TLN2: variants seen among roughly 807,000 people sequenced by gnomAD.
TLN2 encodes the protein talin-2.
Under a neutral mutation model 294.7 loss-of-function variants are expected in TLN2, and 118 were observed. The ratio of observed to expected loss-of-function variants is 0.40; its 90% CI spans 0.34 to 0.47. The LOEUF is 0.47. Among genes scored for constraint, TLN2 ranks in the 20% least tolerant of loss-of-function variants. TLN2 has a pLI of 0.84. For missense variants in TLN2, 3,083 were observed against 3,282.2 expected (o/e 0.94, Z 1.48); for synonymous variants, 1,431 against 1,304.5 (o/e 1.10, Z -2.09).
intron 3 of TLN2, among the ~76,000 whole-genome samples, chr15:62,642,070 C>T (rs540714213): frequency 8.5e-5 from 13 of 152,286 alleles, no homozygotes; most frequent in African/African-American, 2.6e-4. Context: ...TCGTCAGCTC[C>T]GCTTCCACAA....
chr15:62,612,327 G>A (rs941172343), intron 2 of TLN2, among the ~76,000 whole-genome samples: 1 of 152,112 alleles, frequency 6.6e-6, no homozygotes, highest in Non-Finnish European at 1.5e-5. Flanking sequence ...ACCATGGTCA[G>A]TGTCACAGTC....
chr15:62,668,578 G>T (rs1325436892), intron 9 of TLN2, among the ~76,000 whole-genome samples: 1 of 152,180 alleles, frequency 6.6e-6, no homozygotes. Context: ...GTGGGATGTT[G>T]TTTGCCTACA....
intron 11 of TLN2, among the ~76,000 whole-genome samples, chr15:62,675,737 A>G (rs2056109153): frequency 6.6e-6 from 1 of 152,338 alleles, no homozygotes; most frequent in Non-Finnish European, 1.5e-5. Flanking sequence ...ATACTTTAAG[A>G]CAGGGCTTGG....
At chr15:62,760,897 A>G (rs148700137) in intron 37 of TLN2, among the ~76,000 whole-genome samples, 1 of 152,274 alleles carries the variant, frequency 6.6e-6, no homozygotes, top group Non-Finnish European at 1.5e-5. Context: ...ACCCCTTGGT[A>G]ACTCTAGCCA....
At chr15:62,734,364 T>C (rs2060892191) in intron 28 of TLN2, among the ~76,000 whole-genome samples, 1 of 152,104 alleles carries the variant, frequency 6.6e-6, no homozygotes, top group Non-Finnish European at 1.5e-5. Flanking sequence ...TCTGCAATGG[T>C]CAGAGCTAGG....
chr15:62,782,025 G>A (rs1235672834), intron 44 of TLN2, among the ~76,000 whole-genome samples: 1 of 152,214 alleles, frequency 6.6e-6, no homozygotes, highest in Non-Finnish European at 1.5e-5. Context: ...AGGCTCAGAT[G>A]CCATAAGATA....
At chr15:62,694,820 C>T (rs945414891) in intron 14 of TLN2, among the ~76,000 whole-genome samples, 6 of 152,124 alleles carry the variant, frequency 3.9e-5, no homozygotes, top group Admixed American at 1.3e-4. Context: ...CTGCATGCCA[C>T]GCTTGTCTCG....
chr15:62,409,390 G>A (rs1319079616), intron 1 of TLN2, among the ~76,000 whole-genome samples: 1 of 152,198 alleles, frequency 6.6e-6, no homozygotes, highest in Non-Finnish European at 1.5e-5. Context: ...TATAAATACT[G>A]TTAGATTGTT....
intron 1 of TLN2, among the ~76,000 whole-genome samples, chr15:62,559,823 G>T (rs969535141): frequency 1.3e-5 from 2 of 152,110 alleles, no homozygotes; most frequent in African/African-American, 2.4e-5. Flanking sequence ...TTGGTGGGGG[G>T]GTGTGCTTTA....
At chr15:62,714,870 A>C (rs982991589) in intron 22 of TLN2, among the ~76,000 whole-genome samples, 1 of 152,234 alleles carries the variant, frequency 6.6e-6, no homozygotes, top group Non-Finnish European at 1.5e-5. Flanking sequence ...CAAGGACCCA[A>C]AGCATCCACA....
chr15:62,567,515 C>G (rs1366873843), intron 1 of TLN2, among the ~76,000 whole-genome samples: 1 of 152,138 alleles, frequency 6.6e-6, no homozygotes. Flanking sequence ...AAAGCCTCCC[C>G]CAAGGCGATG....
intron 13 of TLN2, 128 bp from the exon 14 acceptor site, chr15:62,694,188 G>T (rs1184616843): frequency 4.4e-6 from 3 of 675,326 alleles, no homozygotes; most frequent in Non-Finnish European, 7.9e-6. Flanking sequence ...TGTTGACCAG[G>T]TTTGTCTCGA....
At chr15:62,806,763 G>A (rs1217959132) in intron 51 of TLN2, among the ~76,000 whole-genome samples, 3 of 152,272 alleles carry the variant, frequency 2.0e-5, no homozygotes, top group East Asian at 3.9e-4. Flanking sequence ...CAGGGACTCC[G>A]GCTTCTGCTC....
chr15:62,528,670 C>CT (rs3055755), intron 1 of TLN2, among the ~76,000 whole-genome samples: 6,992 of 96,724 alleles, frequency 0.072, 699 homozygotes, highest in African/African-American at 0.14. Context: ...CCAGAGCTTG[C>CT]TTTTTTTTTT....
chr15:62,418,506 T>A (rs1004356779), intron 1 of TLN2, among the ~76,000 whole-genome samples: 1 of 152,152 alleles, frequency 6.6e-6, no homozygotes, highest in Middle Eastern at 3.2e-3. Flanking sequence ...GCTGAATTTC[T>A]GATTTTATTT....
At chr15:62,589,372 T>C (rs1315544758) in intron 1 of TLN2, among the ~76,000 whole-genome samples, 4 of 152,174 alleles carry the variant, frequency 2.6e-5, no homozygotes, top group African/African-American at 9.6e-5. Flanking sequence ...GTTTTCGACA[T>C]TGAGGGAGGT....
At chr15:62,569,508 G>C (rs1374859889) in intron 1 of TLN2, among the ~76,000 whole-genome samples, 2 of 152,198 alleles carry the variant, frequency 1.3e-5, no homozygotes, top group African/African-American at 4.8e-5. Flanking sequence ...AGGATTGCCT[G>C]GGTGCTAGGA....
At chr15:62,752,454 T>G in intron 35 of TLN2, 27 bp downstream of exon 35, 1 of 1,611,122 alleles carries the variant, frequency 6.2e-7, no homozygotes, top group Admixed American at 1.7e-5. Context: ...GATGCAGCCA[T>G]GTGCCCTGTG....
At chr15:62,544,526 G>A (rs551383197) in intron 1 of TLN2, among the ~76,000 whole-genome samples, 23 of 152,150 alleles carry the variant, frequency 1.5e-4, no homozygotes, top group Non-Finnish European at 3.2e-4. Flanking sequence ...GAAGGATCAT[G>A]CTTTCCTGAA....
Sources: gnomAD v4.1 joint callset for allele counts (sites outside exome capture counted in the v4.1 genomes callset) on GRCh38, gnomAD v4.1.1 for gene constraint, MANE v1.5 for transcripts, NCBI Gene and HGNC (gene_info 2026-07-23, HGNC 2026-07-21) for gene names.